Variants in SORCS1 observed in about 807,000 individuals in gnomAD.
SORCS1 encodes the protein VPS10 domain-containing receptor SorCS1.
SORCS1 carries 60 observed loss-of-function variants against 146.1 expected under a neutral mutation model. The observed-to-expected ratio is 0.41, with a 90% CI of 0.33 to 0.51. The LOEUF is 0.51. Ranked by LOEUF, SORCS1 falls within the 20% of genes least tolerant of loss-of-function variation. SORCS1 has a pLI of 0.21. For missense variants in SORCS1, 1,352 were observed against 1,487.6 expected (o/e 0.91, Z 1.50); for synonymous variants, 637 against 584.0 (o/e 1.09, Z -1.31).
At chr10:106,651,751 AG>A (rs1849881817) in intron 18 of SORCS1, among the ~76,000 whole-genome samples, 1 of 152,240 alleles carries the variant, frequency 6.6e-6, no homozygotes, top group Non-Finnish European at 1.5e-5. Flanking sequence ...ACAAGATGAC[AG>A]AATTCCTGTG....
At chr10:106,887,479 A>G (rs1038568489) in intron 2 of SORCS1, among the ~76,000 whole-genome samples, 3 of 152,188 alleles carry the variant, frequency 2.0e-5, no homozygotes, top group Non-Finnish European at 4.4e-5. Flanking sequence ...CAGGAGGCTG[A>G]GGCAGGAGAA....
chr10:106,771,927 T>A (rs1025870552), intron 4 of SORCS1, among the ~76,000 whole-genome samples: 3 of 152,118 alleles, frequency 2.0e-5, no homozygotes, highest in Non-Finnish European at 4.4e-5. Context: ...CTCCACACAT[T>A]TTCCTTTCAG....
intron 1 of SORCS1, among the ~76,000 whole-genome samples, chr10:107,084,201 C>T (rs1440641439): frequency 2.7e-5 from 4 of 149,478 alleles, no homozygotes; most frequent in East Asian, 4.0e-4. Flanking sequence ...GTTCACGCCA[C>T]TCTCCTGCCT....
chr10:106,976,395 G>A (rs1383851136), intron 1 of SORCS1, among the ~76,000 whole-genome samples: 2 of 147,210 alleles, frequency 1.4e-5, no homozygotes, highest in African/African-American at 5.1e-5. Context: ...GCAGCTGCGC[G>A]ATTTCGGCTC....
intron 8 of SORCS1, among the ~76,000 whole-genome samples, chr10:106,701,537 T>C (rs961979527): frequency 6.6e-6 from 1 of 152,140 alleles, no homozygotes; most frequent in Admixed American, 6.5e-5. Context: ...CCAGATCTGC[T>C]GGAGATATAT....
At chr10:106,878,319 A>G (rs1351234901) in intron 2 of SORCS1, among the ~76,000 whole-genome samples, 2 of 151,852 alleles carry the variant, frequency 1.3e-5, no homozygotes, top group African/African-American at 2.4e-5. Context: ...GGGCCTGGGA[A>G]TATGCTATGT....
chr10:106,817,848 T>C (rs1947817483), intron 3 of SORCS1, among the ~76,000 whole-genome samples: 1 of 152,214 alleles, frequency 6.6e-6, no homozygotes. Context: ...ATTTTTCTGT[T>C]GTGAATGTCA....
At chr10:106,686,295 A>G (rs1298596919) in intron 10 of SORCS1, among the ~76,000 whole-genome samples, 2 of 152,132 alleles carry the variant, frequency 1.3e-5, no homozygotes, top group African/African-American at 4.8e-5. Context: ...CAACAATAAG[A>G]GTTTCTGACA....
intron 7 of SORCS1, among the ~76,000 whole-genome samples, chr10:106,707,348 C>T (rs1159741774): frequency 6.6e-6 from 1 of 151,984 alleles, no homozygotes; most frequent in Non-Finnish European, 1.5e-5. Flanking sequence ...GCCACCACAC[C>T]TGGCTATGTT....
intron 8 of SORCS1, 144 bp from the exon 9 acceptor site, chr10:106,699,537 T>A (rs2135743784): frequency 1.5e-6 from 1 of 649,916 alleles, no homozygotes; most frequent in East Asian, 3.1e-5. Flanking sequence ...ATATAAGAAA[T>A]AATAGTTAAG....
At chr10:106,973,017 T>C (rs138455112) in intron 1 of SORCS1, among the ~76,000 whole-genome samples, 162 of 152,274 alleles carry the variant, frequency 1.1e-3, no homozygotes, top group Non-Finnish European at 2.0e-3. Flanking sequence ...GGGTCATCTT[T>C]GTATCACATT....
chr10:106,684,809 C>A (rs1395555623), intron 10 of SORCS1, among the ~76,000 whole-genome samples: 1 of 152,190 alleles, frequency 6.6e-6, no homozygotes, highest in African/African-American at 2.4e-5. Flanking sequence ...CTCATCTCTG[C>A]CACCAGCTCC....
chr10:106,803,852 T>C (rs988369379), intron 3 of SORCS1, among the ~76,000 whole-genome samples: 1 of 152,184 alleles, frequency 6.6e-6, no homozygotes, highest in African/African-American at 2.4e-5. Flanking sequence ...TGGGAACCAT[T>C]TCCCATTACA....
chr10:106,712,726 G>A (rs1035113508), intron 6 of SORCS1, among the ~76,000 whole-genome samples: 12 of 152,192 alleles, frequency 7.9e-5, no homozygotes, highest in East Asian at 3.8e-4. Context: ...TCATAATGAT[G>A]AGAAATTTTG....
intron 3 of SORCS1, among the ~76,000 whole-genome samples, chr10:106,826,244 T>C (rs756861274): frequency 2.6e-5 from 4 of 152,238 alleles, no homozygotes; most frequent in Non-Finnish European, 5.9e-5. Context: ...AGAGTTACCC[T>C]GATGTTGTCA....
intron 1 of SORCS1, among the ~76,000 whole-genome samples, chr10:107,108,254 T>C (rs1419849806): frequency 6.6e-6 from 1 of 152,216 alleles, no homozygotes; most frequent in Non-Finnish European, 1.5e-5. Context: ...CTTGCATTCC[T>C]ATAAAGAAGT....
chr10:106,794,325 AT>A (rs1189002340), intron 3 of SORCS1, among the ~76,000 whole-genome samples: 3 of 152,014 alleles, frequency 2.0e-5, no homozygotes, highest in Non-Finnish European at 4.4e-5. Flanking sequence ...GGCATTTCTT[AT>A]TGATGTAAGG....
intron 2 of SORCS1, among the ~76,000 whole-genome samples, chr10:106,841,800 G>C (rs1309649704): frequency 6.6e-6 from 1 of 151,930 alleles, no homozygotes; most frequent in Non-Finnish European, 1.5e-5. Context: ...CCTTTGTCTG[G>C]GTGCACCATA....
At chr10:106,855,837 G>A (rs187256639) in intron 2 of SORCS1, among the ~76,000 whole-genome samples, 10 of 151,846 alleles carry the variant, frequency 6.6e-5, no homozygotes, top group East Asian at 1.9e-4. Flanking sequence ...AAAAATTATC[G>A]GTTTTTCTAA....
Sources: allele counts gnomAD v4.1 joint callset (sites outside exome capture counted in the v4.1 genomes callset), GRCh38; gene constraint gnomAD v4.1.1; transcripts MANE v1.5; gene names NCBI Gene and HGNC (gene_info 2026-07-23, HGNC 2026-07-21).